PHF21B: variants seen among roughly 807,000 people sequenced by gnomAD.
PHF21B encodes the protein PHD finger protein 4.
PHF21B carries 22 observed loss-of-function variants against 62.2 expected under a neutral mutation model. The ratio of observed to expected loss-of-function variants is 0.35; its 90% CI spans 0.25 to 0.51. The LOEUF is 0.51. Among genes scored for constraint, PHF21B ranks in the 20% least tolerant of loss-of-function variants. The pLI is 0.97. For synonymous variants in PHF21B, 341 were observed against 314.7 expected (o/e 1.08, Z -0.88); for missense variants, 701 against 707.9 (o/e 0.99, Z 0.11).
chr22:44,910,516 T>C (rs933232405), intron 5 of PHF21B, among the ~76,000 whole-genome samples: 2 of 152,172 alleles, frequency 1.3e-5, no homozygotes, highest in African/African-American at 4.8e-5. Context: ...GGGGCGGGTC[T>C]TTCCTGTGCT....
In PHF21B at chr22:44,891,299, T is replaced by C. The variant is rs1971385979; in HGVS notation, c.1015+7A>G. On this transcript the variant is annotated splice_region_variant and intron_variant, in intron 8 of 12. Coordinates refer to ENST00000313237, the MANE Select transcript of PHF21B (RefSeq NM_138415.5). ...GCTCTGGCAGAAGGCCTGAAGCCGG[T>C]GCTTACCTCTCGCTGTGAGGAACAG... The C allele has an allele frequency of 6.2e-7, 1 of 1,613,704 alleles. No homozygotes were observed. The highest frequency in any genetic ancestry group is 8.5e-7 in the Non-Finnish European group (1 of 1,179,952).
intron 2 of PHF21B, among the ~76,000 whole-genome samples, chr22:44,956,113 C>T (rs972951881): frequency 2.0e-5 from 3 of 152,216 alleles, no homozygotes; most frequent in Non-Finnish European, 4.4e-5. Flanking sequence ...GACGACACAG[C>T]GGTGGGAGCA....
intron 2 of PHF21B, among the ~76,000 whole-genome samples, chr22:44,956,721 G>T (rs1460978552): frequency 6.6e-6 from 1 of 152,154 alleles, no homozygotes; most frequent in Admixed American, 6.5e-5. Context: ...AAAGGCCCAG[G>T]GGACCTCTTG....
At chr22:44,959,596 G>A (rs2072376234) in intron 2 of PHF21B, among the ~76,000 whole-genome samples, 1 of 152,214 alleles carries the variant, frequency 6.6e-6, no homozygotes, top group African/African-American at 2.4e-5. Context: ...AGCCAGTGAT[G>A]GGGAAGACTG....
intron 2 of PHF21B, 173 bp downstream of exon 2, chr22:45,008,372 C>A: frequency 3.6e-6 from 2 of 562,792 alleles, no homozygotes; most frequent in Non-Finnish European, 5.4e-6. Flanking sequence ...CCTCCGAGAA[C>A]CCGGCTCTTT....
At chr22:44,889,666 G>A (rs910788990) in intron 9 of PHF21B, 94 bp downstream of exon 9, 2 of 1,444,526 alleles carry the variant, frequency 1.4e-6, no homozygotes, top group Non-Finnish European at 1.9e-6. Flanking sequence ...ACCACTCCGG[G>A]CTCTTTCCCT....
At chr22:45,006,648 A>G (rs1351501800) in intron 2 of PHF21B, among the ~76,000 whole-genome samples, 1 of 152,210 alleles carries the variant, frequency 6.6e-6, no homozygotes, top group Non-Finnish European at 1.5e-5. Flanking sequence ...AGCTCAGAAG[A>G]GTCATTCCAA....
At chr22:45,002,379 A>G (rs2073236189) in intron 2 of PHF21B, among the ~76,000 whole-genome samples, 1 of 152,160 alleles carries the variant, frequency 6.6e-6, no homozygotes, top group Non-Finnish European at 1.5e-5. Context: ...AACTTAGCAG[A>G]GTTACCCACT....
intron 5 of PHF21B, 67 bp from the exon 6 acceptor site, chr22:44,896,150 C>T (rs1182305584): frequency 1.1e-5 from 17 of 1,574,916 alleles, no homozygotes; most frequent in Admixed American, 3.3e-5. Context: ...ACTCAACAAA[C>T]ATCTGCTGTG....
At chr22:44,979,785 A>G (rs994735993) in intron 2 of PHF21B, among the ~76,000 whole-genome samples, 5 of 152,130 alleles carry the variant, frequency 3.3e-5, no homozygotes, top group Admixed American at 6.6e-5. Flanking sequence ...CCATTGACAT[A>G]ATATAAAAGT....
chr22:44,917,446 T>C (rs1436040572), intron 3 of PHF21B, among the ~76,000 whole-genome samples: 8 of 152,070 alleles, frequency 5.3e-5, no homozygotes, highest in African/African-American at 1.9e-4. Context: ...ACTGACCCCA[T>C]GCATGGAACC....
chr22:44,988,059 T>C (rs4359751), intron 2 of PHF21B, among the ~76,000 whole-genome samples: 110,623 of 152,184 alleles, frequency 0.73, 40,867 homozygotes, highest in East Asian at 0.87. Context: ...TGGTCAGCGT[T>C]TGTCAAACTT....
rs148920207 is a variant in PHF21B at position 44,913,972 on chromosome 22, G to A, written c.681C>T (p.Gly227=). 1 of 1,596,464 alleles carries A rather than the reference G, an allele frequency of 6.3e-7. No homozygotes were observed. Among genetic ancestry groups the A allele is most frequent in the Admixed American group, 1.7e-5 (1 of 59,418 alleles). ...SPSLSPSPLH[G]IFQVIIIQPQ... ...GCTGAATGATGATGACCTGGAAGAT[G>A]CCATGGAGGGGTGAAGGGGACAGTG... The change falls in exon 5 of 13, where the codon GGC becomes GGT. Residue 227 remains glycine, a synonymous_variant. Coordinates refer to ENST00000313237, the MANE Select transcript of PHF21B (RefSeq NM_138415.5).
chr22:44,984,955 C>T (rs773940583), intron 2 of PHF21B, among the ~76,000 whole-genome samples: 12 of 152,134 alleles, frequency 7.9e-5, no homozygotes, highest in Non-Finnish European at 1.8e-4. Context: ...CTGGAAAATG[C>T]TACCTGAGTG....
At chr22:44,951,630 T>C (rs1056795619) in intron 2 of PHF21B, among the ~76,000 whole-genome samples, 1 of 152,236 alleles carries the variant, frequency 6.6e-6, no homozygotes, top group Non-Finnish European at 1.5e-5. Context: ...TCCTTTTTCA[T>C]TGCTGCATAG....
chr22:44,893,718 G>C (rs2071008209), intron 6 of PHF21B, among the ~76,000 whole-genome samples, 185 bp from the exon 7 acceptor site: 1 of 152,234 alleles, frequency 6.6e-6, no homozygotes, highest in South Asian at 2.1e-4. Context: ...CTCCATGGCA[G>C]GACAGCTCTG....
chr22:44,967,955 G>C (rs900246830), intron 2 of PHF21B, among the ~76,000 whole-genome samples: 1 of 152,184 alleles, frequency 6.6e-6, no homozygotes, highest in African/African-American at 2.4e-5. Context: ...ATGGGCTTTG[G>C]GGAGGAAGAC....
chr22:44,937,118 G>A (rs531176786), intron 2 of PHF21B, among the ~76,000 whole-genome samples: 3 of 152,098 alleles, frequency 2.0e-5, no homozygotes, highest in South Asian at 4.2e-4. Flanking sequence ...CAACTGCCTC[G>A]GCCTCCCAAA....
intron 2 of PHF21B, chr22:45,008,304 G>T (rs1490817274): frequency 2.5e-5 from 9 of 355,558 alleles, no homozygotes; most frequent in East Asian, 8.4e-5. Context: ...CGGGCCGCGC[G>T]CTGCCTTTTA....
Sources: allele counts gnomAD v4.1 joint callset (sites outside exome capture counted in the v4.1 genomes callset), GRCh38; gene constraint gnomAD v4.1.1; transcripts MANE v1.5; gene names NCBI Gene and HGNC (gene_info 2026-07-23, HGNC 2026-07-21).